The following RECK variants were observed in gnomAD, a reference collection of about 807,000 sequenced individuals.
RECK encodes the protein reversion inducing cysteine rich protein with kazal motifs.
Under a neutral mutation model 115.1 loss-of-function variants are expected in RECK, and 69 were observed. The observed-to-expected ratio is 0.60, with a 90% CI of 0.49 to 0.73. The LOEUF (loss-of-function observed/expected upper bound fraction) is 0.73, where lower values mean the gene tolerates loss of function less well. Ranked by LOEUF, RECK falls within the 30% of genes least tolerant of loss-of-function variation. RECK has a pLI of 0.00. For missense variants in RECK, 1,047 were observed against 1,203.7 expected, an observed-to-expected ratio of 0.87 and a Z score of 1.93; for synonymous variants, 414 against 419.7, an observed-to-expected ratio of 0.99 and a Z score of 0.17.
chr9:36,120,318 AG>A (rs1401439441), intron 18 of RECK, among the ~76,000 whole-genome samples: 1 of 152,196 alleles, frequency 6.6e-6, no homozygotes, highest in South Asian at 2.1e-4. Context: ...CAGGGAAACA[AG>A]GCCTGGCAGA....
At chr9:36,080,524 C>A in intron 6 of RECK, 81 bp from the exon 7 acceptor site, 1 of 1,107,802 alleles carries the variant, frequency 9.0e-7, no homozygotes, top group Admixed American at 1.9e-5. Context: ...TCATGATTTC[C>A]ATGTAACCAT....
chr9:36,109,793 G>A (rs1823963128), intron 14 of RECK, among the ~76,000 whole-genome samples, 164 bp from the exon 15 acceptor site: 2 of 151,944 alleles, frequency 1.3e-5, no homozygotes, highest in Admixed American at 1.3e-4. Context: ...GCAGTGAGCT[G>A]GGATCACGCC....
At position 36,094,843 on chromosome 9, in the gene RECK, G is replaced by T. The variant is rs556942183; in HGVS notation, c.1085+3500G>T. Among the ~76,000 whole-genome samples the T allele has an allele frequency of 1.3e-5, 2 of 152,180 alleles. No homozygotes were observed. The highest frequency in any genetic ancestry group is 4.1e-4 in the South Asian group (2 of 4,824). ...AGAGAGAAATATTCAATCATATTCAGAAATGTTAACACCTCTCCCTCACTA... is the reference window on the plus strand; with the variant it reads ...AGAGAGAAATATTCAATCATATTCATAAATGTTAACACCTCTCCCTCACTA... On this transcript the variant is annotated intron_variant, in intron 10 of 20. Transcript: ENST00000377966. This position sits in a 1 kb window ranked among gnomAD's most constrained non-coding sequence, Gnocchi z 4.1.
chr9:36,053,011 T>C (rs1821369544), intron 2 of RECK, among the ~76,000 whole-genome samples: 1 of 152,156 alleles, frequency 6.6e-6, no homozygotes, highest in South Asian at 2.1e-4. Context: ...TACTAGGATT[T>C]AGGAATGAAT....
rs1362379415 is a variant in RECK at position 36,087,860 on chromosome 9, A to G, written c.804A>G (p.Ser268=). 3 of 1,614,046 alleles carry G rather than the reference A, an allele frequency of 1.9e-6. No homozygotes were observed. The highest frequency in any genetic ancestry group is 2.2e-5 in the South Asian group (2 of 91,084). The change falls in exon 9 of 21, where the codon TCA becomes TCG. Residue 268 remains serine, a synonymous_variant. Coordinates refer to ENST00000377966, the MANE Select transcript of RECK (RefSeq NM_021111.3). ...DPLWQCFLES[S]QSVHPGVTVH... is the part of the protein sequence containing the mutation. The stretch of plus-strand genomic sequence containing the variant: ...TTTGGCAATGTTTTCTTGAAAGCTC[A>G]CAATCTGTTCACCCTGGAGTCACTG...
At chr9:36,037,226 G>A (rs559169323) in intron 1 of RECK, 128 bp downstream of exon 1, 2 of 536,716 alleles carry the variant, frequency 3.7e-6, no homozygotes, top group Non-Finnish European at 5.6e-6. Context: ...GCGACCCCGG[G>A]ACCCCAGGTC....
chr9:36,041,196 C>T (rs542752777), intron 1 of RECK, among the ~76,000 whole-genome samples: 1 of 152,080 alleles, frequency 6.6e-6, no homozygotes, highest in Non-Finnish European at 1.5e-5. Flanking sequence ...TAGTACATAC[C>T]TATTTATATC....
chr9:36,116,681 G>A (rs1181999770), intron 16 of RECK, among the ~76,000 whole-genome samples: 1 of 152,180 alleles, frequency 6.6e-6, no homozygotes, highest in East Asian at 1.9e-4. Context: ...AGCCTGGCAA[G>A]CCCATGCTGC....
At chr9:36,084,102 G>A (rs1228146390) in intron 8 of RECK, among the ~76,000 whole-genome samples, 1 of 152,036 alleles carries the variant, frequency 6.6e-6, no homozygotes, top group Non-Finnish European at 1.5e-5. Flanking sequence ...GACTTCTTAC[G>A]TAGAAGTCCA....
At chr9:36,058,960 A>G in intron 3 of RECK, 59 bp downstream of exon 3, 2 of 1,196,052 alleles carry the variant, frequency 1.7e-6, no homozygotes, top group Non-Finnish European at 2.3e-6. Flanking sequence ...TATCCAATGA[A>G]TTACTTTCAG....
rs552925012 is a variant in RECK, at chr9:36,103,034, A to C, written c.1435+804A>C. On this transcript the variant is annotated intron_variant, in intron 12 of 20. Transcript: ENST00000377966. ...TCACTGCTTCAGTTTTTCTCTGCCA[A>C]ATACTCCCGCCAAAAGCTAGAAGAG... 2.0e-5 allele frequency among the ~76,000 whole-genome samples: 3 copies of C among 152,294 alleles called. No homozygotes were observed. In the East Asian group the frequency reaches 5.8e-4, roughly 29 times the overall value.
At position 36,087,805 on chromosome 9, in the gene RECK, G is replaced by GT; in HGVS notation, c.750dup (p.Lys251Ter). 1 of 1,614,064 alleles carries GT rather than the reference G, an allele frequency of 6.2e-7. No individual in the cohort carries two copies. Among genetic ancestry groups the GT allele is most frequent in the Non-Finnish European group, 8.5e-7 (1 of 1,179,960 alleles). ...ATTGTTGATGGTCTCATCGAGGGTT[G>GT]TAAGACCCAGCCCTTGCCTCAAGAT... is the stretch of plus-strand genomic sequence containing the variant. On this transcript the variant is annotated frameshift_variant, in exon 9 of 21. Transcript: ENST00000377966. LOFTEE classifies it high-confidence loss of function.
intron 6 of RECK, among the ~76,000 whole-genome samples, chr9:36,076,181 C>A (rs1199102812): frequency 2.0e-5 from 3 of 152,216 alleles, no homozygotes; most frequent in Non-Finnish European, 4.4e-5. Flanking sequence ...TGAGAATAGT[C>A]TGGTCTCACT....
At chr9:36,060,241 A>G (rs1488937144) in intron 4 of RECK, 86 bp downstream of exon 4, 3 of 1,330,120 alleles carry the variant, frequency 2.3e-6, no homozygotes, top group African/African-American at 2.9e-5. Context: ...CCTGGAACCT[A>G]ATTTATACTC....
At chr9:36,047,165 G>A (rs1020297869) in intron 1 of RECK, among the ~76,000 whole-genome samples, 1 of 152,204 alleles carries the variant, frequency 6.6e-6, no homozygotes, top group African/African-American at 2.4e-5. Context: ...AGTAGAAAGT[G>A]CCAACTTCTA....
chr9:36,073,458 T>C (rs1822327223), intron 6 of RECK, among the ~76,000 whole-genome samples: 1 of 152,170 alleles, frequency 6.6e-6, no homozygotes, highest in Admixed American at 6.5e-5. Context: ...AAATGTACCT[T>C]AAATCAGTCT....
rs1208901676 is a variant in RECK, at chr9:36,118,799, G to A, written c.2296G>A (p.Glu766Lys). 6.2e-7 allele frequency: 1 copy of A among 1,614,170 alleles called. No homozygotes were observed. The highest frequency in any genetic ancestry group is 8.5e-7 in the Non-Finnish European group (1 of 1,180,038). Residue 766 changes from glutamate (E) to lysine (K), a missense_variant, in exon 18 of 21, where the codon GAG becomes AAG. By Grantham distance (56) the Glu-to-Lys change is moderately conservative (BLOSUM62 1). Coordinates refer to ENST00000377966, the MANE Select transcript of RECK (RefSeq NM_021111.3). Reference protein sequence around the residue: ...ATEPVCGHNGETYSSVCAAYS... With the variant: ...ATEPVCGHNGKTYSSVCAAYS... Reference sequence around the variant, plus strand: ...CGAGCCCGTATGTGGGCACAATGGTGAGACCTACAGCAGTGTGTGTGCTGC... The same window carrying A: ...CGAGCCCGTATGTGGGCACAATGGTAAGACCTACAGCAGTGTGTGTGCTGC...
intron 8 of RECK, 141 bp downstream of exon 8, chr9:36,083,703 T>C: frequency 1.1e-6 from 1 of 909,038 alleles, no homozygotes. Flanking sequence ...ATTTGGCAGA[T>C]TGAATAATAT....
At chr9:36,096,542 A>G (rs1042025811) in intron 10 of RECK, among the ~76,000 whole-genome samples, 2 of 152,160 alleles carry the variant, frequency 1.3e-5, no homozygotes, top group Admixed American at 6.5e-5. Context: ...TGTCTCAAAA[A>G]AAGAAAAAAT....
Sources: gnomAD v4.1 joint callset for allele counts (sites outside exome capture counted in the v4.1 genomes callset) on GRCh38, gnomAD v4.1.1 for gene constraint, Gnocchi (gnomAD v3.1) non-coding constraint, MANE v1.5 for transcripts, NCBI Gene and HGNC (gene_info 2026-07-23, HGNC 2026-07-21) for gene names.